MCM9: variants seen among roughly 807,000 people sequenced by gnomAD.
The protein encoded by MCM9 is DNA helicase MCM9.
A neutral mutation model predicts 72.8 loss-of-function variants in MCM9; 55 were observed. The observed-to-expected ratio is 0.76, with a 90% CI of 0.61 to 0.95. The LOEUF (loss-of-function observed/expected upper bound fraction) is 0.95. MCM9 is among the 40% of genes least tolerant of loss of function. MCM9 has a pLI of 0.00. For missense variants in MCM9, 1,279 were observed against 1,377.0 expected, an observed-to-expected ratio of 0.93 and a Z score of 1.13; for synonymous variants, 480 against 503.4, an observed-to-expected ratio of 0.95 and a Z score of 0.62.
Position 118,814,517 on chromosome 6 carries a change from A to AAAAAC in MCM9, c.*302_*306dup, listed in dbSNP as rs1254769035. ...ATCTAGGGAAGAACCTCTCCCCCTT[A>AAAAAC]AAAACAAAACAAAACAAAAAACAGA... is the stretch of plus-strand genomic sequence containing the variant. On this transcript the variant is annotated 3_prime_UTR_variant, in exon 14 of 14. Coordinates refer to ENST00000619706, the MANE Select transcript of MCM9 (RefSeq NM_017696.3). 2.3e-5 allele frequency: 5 copies of AAAAAC among 219,820 alleles called. No individual in the cohort carries two copies. The highest frequency in any genetic ancestry group is 1.1e-4 in the African/African-American group (5 of 44,192). The allele number at this position is 219,820 out of a possible 1,614,324, so 13.6% of individuals were successfully genotyped here. A position where few individuals can be genotyped will look rare whatever the true frequency, so the allele number is the denominator to read the frequency against.
intron 8 of MCM9, among the ~76,000 whole-genome samples, chr6:118,856,901 T>C (rs934766954): frequency 6.6e-6 from 1 of 151,944 alleles, no homozygotes; most frequent in African/African-American, 2.4e-5. Flanking sequence ...AAAAGGCATA[T>C]CTTAACCTAT....
intron 9 of MCM9, among the ~76,000 whole-genome samples, chr6:118,836,288 G>C (rs1382917857): frequency 6.6e-6 from 1 of 152,212 alleles, no homozygotes; most frequent in African/African-American, 2.4e-5. Context: ...ATGTTCATCA[G>C]AGATATTGGC....
chr6:118,843,658 G>GTATATATATATATGTATA (rs74206505), intron 9 of MCM9, among the ~76,000 whole-genome samples: 1 of 21,592 alleles, frequency 4.6e-5, no homozygotes, highest in Non-Finnish European at 8.6e-5. Flanking sequence ...ATATATATGT[G>GTATATATATATATGTATA]TATATATATA....
chr6:118,832,807 T>G (rs1473812925), intron 9 of MCM9, among the ~76,000 whole-genome samples: 1 of 152,230 alleles, frequency 6.6e-6, no homozygotes, highest in Non-Finnish European at 1.5e-5. Context: ...TCATCTTTAC[T>G]TATGGCTTTG....
intron 9 of MCM9, among the ~76,000 whole-genome samples, chr6:118,843,180 A>C (rs997471581): frequency 2.0e-5 from 3 of 152,134 alleles, no homozygotes; most frequent in Non-Finnish European, 4.4e-5. Flanking sequence ...CCTTGTAGGT[A>C]AGGTATGTGC....
chr6:118,917,843 A>G, intron 5 of MCM9, 82 bp from the exon 6 acceptor site: 1 of 1,219,636 alleles, frequency 8.2e-7, no homozygotes, highest in Non-Finnish European at 1.2e-6. Context: ...ACCAGAAATT[A>G]GAAATAAACC....
At chr6:118,832,783 T>C (rs1774664178) in intron 9 of MCM9, among the ~76,000 whole-genome samples, 1 of 152,216 alleles carries the variant, frequency 6.6e-6, no homozygotes, top group Non-Finnish European at 1.5e-5. Context: ...ATTACTCCCT[T>C]TACGGGATGA....
chr6:118,850,614 C>T (rs1376737961), intron 9 of MCM9, among the ~76,000 whole-genome samples: 1 of 151,562 alleles, frequency 6.6e-6, no homozygotes, highest in African/African-American at 2.4e-5. Context: ...TTTTGCTTTG[C>T]TTTAAATGAA....
At chr6:118,866,534 ATAACT>A (rs900909351) in intron 8 of MCM9, among the ~76,000 whole-genome samples, 9 of 152,230 alleles carry the variant, frequency 5.9e-5, no homozygotes, top group African/African-American at 1.7e-4. Flanking sequence ...GAAGAGTACT[ATAACT>A]TAACTGAAAA....
chr6:118,916,024 G>A (rs1372922271), intron 6 of MCM9, among the ~76,000 whole-genome samples: 2 of 151,928 alleles, frequency 1.3e-5, no homozygotes, highest in African/African-American at 4.8e-5. Flanking sequence ...GTGGTCCAAG[G>A]AAGAGTTACA....
At chr6:118,821,488 C>G (rs1308325431) in intron 13 of MCM9, among the ~76,000 whole-genome samples, 1 of 152,202 alleles carries the variant, frequency 6.6e-6, no homozygotes, top group Non-Finnish European at 1.5e-5. Flanking sequence ...GCCGAGAGAT[C>G]TGCGGTTAGT....
At chr6:118,865,779 G>A (rs1181653009) in intron 8 of MCM9, among the ~76,000 whole-genome samples, 1 of 152,086 alleles carries the variant, frequency 6.6e-6, no homozygotes, top group Non-Finnish European at 1.5e-5. Flanking sequence ...TCCACCCAAG[G>A]TAATGTCTTC....
In MCM9 at chr6:118,815,555, G is replaced by C. The variant is rs1264730868; in HGVS notation, c.2701C>G (p.Gln901Glu). The part of the protein sequence containing the change: ...PKRKRPKSLA[Q>E]VEEPAIENVK... ...TTTTCAATTGCAGGCTCTTCCACTT[G>C]CGCAAGGGATTTCGGTCTCTTTCTT... is the stretch of plus-strand genomic sequence containing the variant. Residue 901 changes from glutamine to glutamate, a missense_variant, in exon 14 of 14, where the codon CAA (glutamine) becomes GAA (glutamate). Gln to Glu is a conservative substitution (Grantham distance 29). Coordinates refer to ENST00000619706, the MANE Select transcript of MCM9 (RefSeq NM_017696.3). 5 of 1,550,048 alleles carry C rather than the reference G, an allele frequency of 3.2e-6. No homozygotes were observed. Among genetic ancestry groups the C allele is most frequent in the Non-Finnish European group, 3.5e-6 (4 of 1,146,890 alleles).
Position 118,854,265 on chromosome 6 carries a change from T to C in MCM9, c.1325+2106A>G, listed in dbSNP as rs139483413. The stretch of plus-strand genomic sequence containing the variant: ...CTTCTAGTACAATATTGACCAGAAA[T>C]GAGAAGAGCTGACATCCTTAATTTG... On this transcript the variant is annotated intron_variant, in intron 9 of 13. Coordinates refer to ENST00000619706, the MANE Select transcript of MCM9 (RefSeq NM_017696.3). Among the ~76,000 whole-genome samples, 563 of 152,332 alleles carry C rather than the reference T, an allele frequency of 3.7e-3. 3 individuals carry two copies. Among genetic ancestry groups the C allele is most frequent in the Middle Eastern group, 0.01 (3 of 294 alleles).
chr6:118,909,188 A>G (rs1467786704), intron 8 of MCM9: 1 of 152,224 alleles, frequency 6.6e-6, no homozygotes, highest in Non-Finnish European at 1.5e-5. Context: ...AGTGGTTAAT[A>G]TAATAGGAAC....
At chr6:118,867,882 TTTC>T (rs1160366835) in intron 8 of MCM9, among the ~76,000 whole-genome samples, 6 of 146,606 alleles carry the variant, frequency 4.1e-5, no homozygotes, top group Middle Eastern at 7.0e-3. Context: ...TCTTTTTCTT[TTTC>T]TTTTTTTTTG....
In MCM9 at chr6:118,893,687, C is replaced by A. The variant is rs182755645; in HGVS notation, c.1150+17963G>T. On this transcript the variant is annotated intron_variant, in intron 8 of 13. Transcript: ENST00000619706. The stretch of plus-strand genomic sequence containing the variant: ...GTCTATAACATGCAATTTATTTCCC[C>A]TGCAGCCAATCTTTCTCTCTACTCC... 5.9e-5 allele frequency among the ~76,000 whole-genome samples: 9 copies of A among 152,296 alleles called. No individual in the cohort carries two copies. The East Asian group carries it at 1.7e-3, about 29-fold the overall frequency.
chr6:118,871,759 T>G (rs944051885), intron 8 of MCM9, among the ~76,000 whole-genome samples: 10 of 149,696 alleles, frequency 6.7e-5, no homozygotes, highest in Admixed American at 3.3e-4. Context: ...TACAAAAAAT[T>G]AGCCAGGTGT....
intron 13 of MCM9, among the ~76,000 whole-genome samples, chr6:118,824,242 T>A (rs139446650): frequency 2.2e-4 from 34 of 152,068 alleles, no homozygotes; most frequent in Admixed American, 7.9e-4. Flanking sequence ...CTTTTCAGCA[T>A]CAAATTGAGG....
Sources: allele counts gnomAD v4.1 joint callset (sites outside exome capture counted in the v4.1 genomes callset), GRCh38; gene constraint gnomAD v4.1.1; transcripts MANE v1.5; gene names NCBI Gene and HGNC (gene_info 2026-07-23, HGNC 2026-07-21).